IMMP1L: variants seen among roughly 807,000 people sequenced by gnomAD.
The protein encoded by IMMP1L is mitochondrial inner membrane protease subunit 1.
IMMP1L carries 24 observed loss-of-function variants against 21.8 expected under a neutral mutation model. The ratio of observed to expected loss-of-function variants is 1.10; its 90% CI spans 0.80 to 1.55. The LOEUF (loss-of-function observed/expected upper bound fraction) is 1.55, where lower values mean the gene tolerates loss of function less well. Among genes scored for constraint, IMMP1L ranks in the 40% most tolerant of loss-of-function variants. The pLI, the probability that IMMP1L is intolerant of heterozygous loss-of-function variation, is 0.00. For synonymous variants in IMMP1L, 46 were observed against 62.8 expected, an observed-to-expected ratio of 0.73 and a Z score of 1.26; for missense variants, 195 against 200.7, an observed-to-expected ratio of 0.97 and a Z score of 0.17.
At chr11:31,475,863 G>A (rs560172046) in intron 1 of IMMP1L, among the ~76,000 whole-genome samples, 2 of 152,196 alleles carry the variant, frequency 1.3e-5, no homozygotes, top group African/African-American at 4.8e-5. Context: ...AAATAAGAGT[G>A]ACCCCTAGAA....
chr11:31,494,225 C>T (rs1298562539), intron 1 of IMMP1L, among the ~76,000 whole-genome samples: 1 of 152,254 alleles, frequency 6.6e-6, no homozygotes, highest in African/African-American at 2.4e-5. Flanking sequence ...TCCATATATC[C>T]TCTGAAATCT....
intron 1 of IMMP1L, among the ~76,000 whole-genome samples, chr11:31,468,109 C>A (rs1227545153): frequency 1.3e-5 from 2 of 151,948 alleles, no homozygotes; most frequent in African/African-American, 4.8e-5. Context: ...GACATGACAA[C>A]CAAACACAAT....
In IMMP1L at chr11:31,509,580, G is replaced by T. The variant is rs1565025449; in HGVS notation, c.-91C>A. ...GACACAGGTGGGCCTTTCTCACCTG[G>T]GCCCCGCCGAAGTCGACCGTCCTTT... On this transcript the variant is annotated 5_prime_UTR_variant, in exon 1 of 6. Coordinates refer to ENST00000532287, the MANE Select transcript of IMMP1L (RefSeq NM_001304274.2). 1.7e-6 allele frequency: 1 copy of T among 604,898 alleles called. No homozygotes were observed. Among genetic ancestry groups the T allele is most frequent in the Non-Finnish European group, 2.9e-6 (1 of 343,498 alleles). 37.5% of individuals were successfully genotyped at this position (604,898 alleles called of 1,614,324 possible).
chr11:31,455,512 C>A (rs1953911168), intron 4 of IMMP1L, among the ~76,000 whole-genome samples: 5 of 152,098 alleles, frequency 3.3e-5, no homozygotes, highest in African/African-American at 9.7e-5. Flanking sequence ...GCTGTACAGG[C>A]AAGGTGGTTG....
intron 1 of IMMP1L, among the ~76,000 whole-genome samples, chr11:31,484,812 C>G (rs538431187): frequency 6.6e-6 from 1 of 151,858 alleles, no homozygotes. Flanking sequence ...CAATTTCCAA[C>G]GATGTGCTCA....
intron 2 of IMMP1L, among the ~76,000 whole-genome samples, 155 bp from the exon 3 acceptor site, chr11:31,460,869 C>T (rs1366707600): frequency 6.6e-6 from 1 of 152,150 alleles, no homozygotes; most frequent in Non-Finnish European, 1.5e-5. Context: ...GTAAGTTCAA[C>T]TCTAGAGTAG....
At chr11:31,460,573 ATGTG>A (rs1954103692) in intron 3 of IMMP1L, 49 bp downstream of exon 3, 3 of 1,082,658 alleles carry the variant, frequency 2.8e-6, no homozygotes, top group African/African-American at 1.6e-5. Context: ...AAAAGCCACA[ATGTG>A]TGTGTGTATT....
At chr11:31,433,653 A>C (rs1457269439) in intron 4 of IMMP1L, 83 bp from the exon 5 acceptor site, 1 of 776,782 alleles carries the variant, frequency 1.3e-6, no homozygotes, top group Non-Finnish European at 2.1e-6. Context: ...ATTCAGAGGT[A>C]GGGAGAAATG....
chr11:31,472,609 A>T (rs1954596659), intron 1 of IMMP1L, among the ~76,000 whole-genome samples: 1 of 152,194 alleles, frequency 6.6e-6, no homozygotes, highest in Non-Finnish European at 1.5e-5. Context: ...ATTTACATTA[A>T]AAAAACTGAG....
intron 2 of IMMP1L, 64 bp from the exon 3 acceptor site, chr11:31,460,778 T>C: frequency 7.2e-6 from 8 of 1,111,572 alleles, no homozygotes; most frequent in Non-Finnish European, 1.1e-5. Flanking sequence ...ATAAATCTTT[T>C]AAGCAAGCTT....
At chr11:31,476,036 T>C (rs1223088) in intron 1 of IMMP1L, among the ~76,000 whole-genome samples, 58,447 of 151,978 alleles carry the variant, frequency 0.38, 14,479 homozygotes, top group African/African-American at 0.71. Context: ...CAAGCTACCA[T>C]AGAAAGTTAT....
chr11:31,459,290 T>A (rs1954057955), intron 3 of IMMP1L, among the ~76,000 whole-genome samples: 1 of 152,160 alleles, frequency 6.6e-6, no homozygotes, highest in South Asian at 2.1e-4. Flanking sequence ...CAATTTTCAG[T>A]AATGTGAAAT....
intron 1 of IMMP1L, among the ~76,000 whole-genome samples, chr11:31,501,082 C>T (rs945306050): frequency 1.3e-5 from 2 of 152,186 alleles, no homozygotes; most frequent in Non-Finnish European, 2.9e-5. Context: ...TACTCTATAA[C>T]CATACGTGTT....
chr11:31,436,114 ATGTG>A (rs1454936031), intron 4 of IMMP1L, among the ~76,000 whole-genome samples: 4 of 151,822 alleles, frequency 2.6e-5, no homozygotes, highest in Non-Finnish European at 1.5e-5. Context: ...TTTCCTATCT[ATGTG>A]TATTTCTTAT....
rs34485904 is a variant in IMMP1L, at chr11:31,499,938, T to TTAAATAAATAAATAAA, written c.-30+9565_-30+9580dup. ...ATCAGCAGTTCTGGAGGCTAACTTC[T>TTAAATAAATAAATAAA]TAAATAAATAAATAAATAAATAAAT... On this transcript the variant is annotated intron_variant, in intron 1 of 5. Coordinates refer to ENST00000532287, the MANE Select transcript of IMMP1L (RefSeq NM_001304274.2). 2.6e-3 allele frequency among the ~76,000 whole-genome samples: 367 copies of TTAAATAAATAAATAAA among 140,208 alleles called. 2 individuals carry two copies. The highest frequency in any genetic ancestry group is 7.2e-3 in the Middle Eastern group (2 of 276). The allele number at this position is 140,208 out of a possible 152,430, so 92.0% of individuals were successfully genotyped here. A position where few individuals can be genotyped will look rare whatever the true frequency, so the allele number is the denominator to read the frequency against.
intron 4 of IMMP1L, among the ~76,000 whole-genome samples, chr11:31,451,495 G>A (rs1419409915): frequency 6.6e-6 from 1 of 152,188 alleles, no homozygotes; most frequent in Non-Finnish European, 1.5e-5. Context: ...GGGATTGGAT[G>A]TAGGGTGAAA....
chr11:31,508,364 A>AT (rs1416794910), intron 1 of IMMP1L, among the ~76,000 whole-genome samples: 4 of 152,206 alleles, frequency 2.6e-5, no homozygotes, highest in African/African-American at 7.2e-5. Context: ...CATAGGTCTA[A>AT]AATGACAAGA....
chr11:31,506,431 C>T (rs1453544164), intron 1 of IMMP1L, among the ~76,000 whole-genome samples: 1 of 151,592 alleles, frequency 6.6e-6, no homozygotes, highest in African/African-American at 2.4e-5. Context: ...GGGGTTTCAC[C>T]ATGTTAGCCA....
chr11:31,493,702 A>T (rs927802441), intron 1 of IMMP1L, among the ~76,000 whole-genome samples: 1 of 152,214 alleles, frequency 6.6e-6, no homozygotes, highest in African/African-American at 2.4e-5. Flanking sequence ...AATCAAAAGT[A>T]AGTTAGTTAC....
Sources: gnomAD v4.1 joint callset for allele counts (sites outside exome capture counted in the v4.1 genomes callset) on GRCh38, gnomAD v4.1.1 for gene constraint, MANE v1.5 for transcripts, NCBI Gene and HGNC (gene_info 2026-07-23, HGNC 2026-07-21) for gene names.